Variants in CYP2C19 observed in about 807,000 individuals in gnomAD.
The protein encoded by CYP2C19 is cytochrome P450 2C19.
Under a neutral mutation model 40.9 loss-of-function variants are expected in CYP2C19, and 59 were observed. The ratio of observed to expected loss-of-function variants is 1.44; its 90% CI spans 1.17 to 1.79. The LOEUF (loss-of-function observed/expected upper bound fraction) is 1.79. Among genes scored for constraint, CYP2C19 ranks in the 40% most tolerant of loss-of-function variants. CYP2C19 has a pLI of 0.00. For synonymous variants in CYP2C19, 253 were observed against 208.7 expected (o/e 1.21, Z -1.83); for missense variants, 754 against 596.9 (o/e 1.26, Z -2.74).
intron 6 of CYP2C19, among the ~76,000 whole-genome samples, chr10:94,831,550 C>T (rs571331824): frequency 6.6e-6 from 1 of 152,202 alleles, no homozygotes; most frequent in Admixed American, 6.5e-5. Context: ...ATCTCCACAT[C>T]CTCACTAGCA....
rs367674480 is a variant in CYP2C19 at position 94,849,996 on chromosome 10, G to A, written c.1229G>A (p.Arg410His). ...EFPNPEMFDP[R>H]HFLDEGGNFK... ...CCCAACCCAGAGATGTTTGACCCTC[G>A]TCACTTTCTGGATGAAGGTGGAAAT... is the stretch of plus-strand genomic sequence containing the variant. Residue 410 changes from arginine (R) to histidine (H), a missense_variant, in exon 8 of 9, where the codon CGT (arginine) becomes CAT (histidine). Arg to His is a conservative substitution (Grantham distance 29). Transcript: ENST00000371321. 23 of 1,613,604 alleles carry A rather than the reference G, an allele frequency of 1.4e-5. No homozygotes were observed. Among genetic ancestry groups the A allele is most frequent in the Admixed American group, 5.0e-5 (3 of 59,942 alleles).
chr10:94,850,307 C>T (rs1405329502), intron 8 of CYP2C19, among the ~76,000 whole-genome samples: 2 of 152,110 alleles, frequency 1.3e-5, no homozygotes, highest in South Asian at 2.1e-4. Context: ...TTGAATTCTG[C>T]CTCTAGATAC....
chr10:94,832,285 C>T (rs973164877), intron 6 of CYP2C19, among the ~76,000 whole-genome samples: 3 of 152,196 alleles, frequency 2.0e-5, no homozygotes, highest in African/African-American at 4.8e-5. Flanking sequence ...TTCCACATGG[C>T]TGGGGATGCC....
At chr10:94,806,232 A>T (rs943759277) in intron 5 of CYP2C19, among the ~76,000 whole-genome samples, 2 of 151,988 alleles carry the variant, frequency 1.3e-5, no homozygotes, top group Non-Finnish European at 2.9e-5. Context: ...CATGTGTCAG[A>T]TTTTTCTTCA....
intron 5 of CYP2C19, among the ~76,000 whole-genome samples, chr10:94,818,324 G>A (rs1205348648): frequency 1.3e-5 from 2 of 151,034 alleles, no homozygotes; most frequent in African/African-American, 4.9e-5. Flanking sequence ...CAGGTAGTGT[G>A]ATGCCTCCAG....
chr10:94,767,646 G>A (rs544011762), intron 1 of CYP2C19, among the ~76,000 whole-genome samples: 11 of 152,266 alleles, frequency 7.2e-5, no homozygotes, highest in Admixed American at 2.6e-4. Context: ...ACTACCTGTC[G>A]GATTGTCCAG....
intron 1 of CYP2C19, chr10:94,774,052 G>A (rs1848372104): frequency 6.6e-6 from 1 of 152,142 alleles, no homozygotes; most frequent in South Asian, 2.1e-4. Flanking sequence ...CAAACCTTTA[G>A]CTAGATACAG....
intron 1 of CYP2C19, among the ~76,000 whole-genome samples, chr10:94,772,610 C>A (rs1848349884): frequency 6.6e-6 from 1 of 152,192 alleles, no homozygotes; most frequent in East Asian, 1.9e-4. Context: ...GACCCCGGAG[C>A]TGAATGGCTT....
At chr10:94,804,819 T>G (rs1848812074) in intron 5 of CYP2C19, among the ~76,000 whole-genome samples, 1 of 152,258 alleles carries the variant, frequency 6.6e-6, no homozygotes, top group Non-Finnish European at 1.5e-5. Flanking sequence ...TGTACTGTGC[T>G]ATTTCCAAGT....
intron 5 of CYP2C19, among the ~76,000 whole-genome samples, chr10:94,817,073 T>C (rs1183048602): frequency 2.9e-5 from 4 of 139,760 alleles, no homozygotes; most frequent in Non-Finnish European, 4.6e-5. Context: ...GCATGATTTA[T>C]AGTCCTTTGG....
chr10:94,847,144 G>A (rs561446807), intron 7 of CYP2C19, among the ~76,000 whole-genome samples: 9 of 152,048 alleles, frequency 5.9e-5, no homozygotes, highest in Non-Finnish European at 1.2e-4. Flanking sequence ...AGTTACAAAT[G>A]TATACATGTG....
At chr10:94,849,434 A>T (rs1032136742) in intron 7 of CYP2C19, among the ~76,000 whole-genome samples, 4 of 152,092 alleles carry the variant, frequency 2.6e-5, no homozygotes, top group African/African-American at 9.7e-5. Flanking sequence ...AAAGAGAAAA[A>T]AAAAGAAAAG....
At chr10:94,829,872 C>G (rs929731389) in intron 6 of CYP2C19, among the ~76,000 whole-genome samples, 4 of 152,074 alleles carry the variant, frequency 2.6e-5, no homozygotes, top group Admixed American at 1.3e-4. Context: ...TTCCTTCTAA[C>G]AGACAGGACC....
intron 7 of CYP2C19, among the ~76,000 whole-genome samples, chr10:94,846,010 A>T (rs1437612514): frequency 2.0e-5 from 3 of 152,110 alleles, no homozygotes; most frequent in Non-Finnish European, 4.4e-5. Context: ...TCTCCTATAT[A>T]ATAATAATAG....
At position 94,817,355 on chromosome 10, in the gene CYP2C19, T is replaced by C. The variant is rs917461828; in HGVS notation, c.820-3141T>C. ...TGATGATGAGCATTTTTTCATGTGTTTTTTGGCTGCATAAATGTCTTCTTT... is the reference window on the plus strand; with the variant it reads ...TGATGATGAGCATTTTTTCATGTGTCTTTTGGCTGCATAAATGTCTTCTTT... On this transcript the variant is annotated intron_variant, in intron 5 of 8. Transcript: ENST00000371321. Among the ~76,000 whole-genome samples, 280 of 149,954 alleles carry C rather than the reference T, an allele frequency of 1.9e-3. 2 individuals are homozygous for C. The South Asian group carries it at 0.027, about 14-fold the overall frequency.
chr10:94,824,814 A>G (rs1465058503), intron 6 of CYP2C19, among the ~76,000 whole-genome samples: 1 of 74,274 alleles, frequency 1.3e-5, no homozygotes, highest in East Asian at 5.1e-4. Context: ...CCCTCCCCCC[A>G]CCCCACATCA....
At chr10:94,817,837 C>A (rs914962179) in intron 5 of CYP2C19, among the ~76,000 whole-genome samples, 1 of 151,600 alleles carries the variant, frequency 6.6e-6, no homozygotes, top group African/African-American at 2.4e-5. Context: ...AACGGTGAAA[C>A]CCCGTCTCTA....
At position 94,763,967 on chromosome 10, in the gene CYP2C19, G is replaced by A. The variant is rs140124433; in HGVS notation, c.168+1094G>A. ...TCTTGCTGACTTCAGGAGTGAAGCC[G>A]CAGACCTTCGCAATGAGTGTTACAG... On this transcript the variant is annotated intron_variant, in intron 1 of 8. Coordinates refer to ENST00000371321, the MANE Select transcript of CYP2C19 (RefSeq NM_000769.4). 1.1e-3 allele frequency among the ~76,000 whole-genome samples: 173 copies of A among 152,142 alleles called. No individual in the cohort carries two copies. In the East Asian group the frequency reaches 0.016, roughly 14 times the overall value.
chr10:94,810,615 G>A lies in CYP2C19; in HGVS notation c.820-9881G>A, dbSNP rs190806446. On this transcript the variant is annotated intron_variant, in intron 5 of 8. Coordinates refer to ENST00000371321, the MANE Select transcript of CYP2C19 (RefSeq NM_000769.4). ...GGACTTCTTCCTGGTTTGGTCTTGG[G>A]AGGGTGTATGTGTCTAGAAATTTAT... 2.9e-3 allele frequency among the ~76,000 whole-genome samples: 440 copies of A among 152,252 alleles called. 6 individuals are homozygous for A. Among genetic ancestry groups the A allele is most frequent in the Non-Finnish European group, 5.3e-3 (362 of 68,024 alleles).
Sources: allele counts gnomAD v4.1 joint callset (sites outside exome capture counted in the v4.1 genomes callset), GRCh38; gene constraint gnomAD v4.1.1; transcripts MANE v1.5; gene names NCBI Gene and HGNC (gene_info 2026-07-23, HGNC 2026-07-21).